The following IL1R1 variants were observed in gnomAD, a reference collection of about 807,000 sequenced individuals.
IL1R1 encodes interleukin 1 receptor type 1, also known as interleukin-1 receptor type 1.
IL1R1 carries 22 observed loss-of-function variants against 50.2 expected under a neutral mutation model. That is an observed-to-expected ratio of 0.44 (90% CI 0.31 to 0.63). The LOEUF is 0.63. Ranked by LOEUF, IL1R1 falls within the 20% of genes least tolerant of loss-of-function variation. IL1R1 has a pLI of 0.07. For synonymous variants in IL1R1, 251 were observed against 236.7 expected (o/e 1.06, Z -0.55); for missense variants, 509 against 676.2 (o/e 0.75, Z 2.74).
intron 3 of IL1R1, 119 bp downstream of exon 3, chr2:102,157,904 C>A: frequency 1.4e-6 from 1 of 697,996 alleles, no homozygotes; most frequent in Non-Finnish European, 2.5e-6. Context: ...TCTCTGGGCA[C>A]AGAGCCTCCT....
Position 102,157,793 on chromosome 2 carries a change from A to G in IL1R1, c.61+8A>G. On this transcript the variant is annotated splice_region_variant and intron_variant, in intron 3 of 11. Transcript: ENST00000410023. ...TTTCTTCTCTGGAGGCTGGTAAGTT[A>G]AGTATTTCTTTGTGTTCTTGTCTGC... 1.3e-6 allele frequency: 2 copies of G among 1,574,254 alleles called. No individual in the cohort carries two copies. Among genetic ancestry groups the G allele is most frequent in the Non-Finnish European group, 1.7e-6 (2 of 1,144,760 alleles).
chr2:102,108,107 GT>G (rs1337472395), intron 1 of IL1R1, among the ~76,000 whole-genome samples: 3 of 152,050 alleles, frequency 2.0e-5, no homozygotes, highest in African/African-American at 4.8e-5. Context: ...TATTATTGTT[GT>G]TACTCTAAAG....
chr2:102,126,671 C>A (rs569406269), intron 1 of IL1R1, among the ~76,000 whole-genome samples: 1 of 151,666 alleles, frequency 6.6e-6, no homozygotes, highest in African/African-American at 2.4e-5. Flanking sequence ...GTAGCCCCAA[C>A]TTCTGCCTGG....
In IL1R1 at chr2:102,096,107, G is replaced by C. The variant is rs189571830; in HGVS notation, c.-84+25574G>C. Among the ~76,000 whole-genome samples the C allele has an allele frequency of 1.6e-4, 24 of 152,278 alleles. No individual in the cohort carries two copies. In the East Asian group the frequency reaches 4.4e-3, roughly 28 times the overall value. ...CTGTCAATATATGTAGCACAACTTAGTTTTCACACTGTGTCCTATTCAGCG... is the reference window on the plus strand; with the variant it reads ...CTGTCAATATATGTAGCACAACTTACTTTTCACACTGTGTCCTATTCAGCG... On this transcript the variant is annotated intron_variant, in intron 1 of 11. Transcript: ENST00000409929.
intron 1 of IL1R1, among the ~76,000 whole-genome samples, chr2:102,122,768 T>G (rs1681471343): frequency 6.6e-6 from 1 of 152,220 alleles, no homozygotes; most frequent in Non-Finnish European, 1.5e-5. Context: ...CTTTGAAAAC[T>G]GGCTTTCCTT....
rs1177468303 is a variant in IL1R1 at position 102,172,509 on chromosome 2, G to A, written c.840-178G>A. The stretch of plus-strand genomic sequence containing the variant: ...AGCCTGTTACTGACAGTGGTCTTGG[G>A]GTTATAAAATCTCAGATTAGTGTTG... On this transcript the variant is annotated intron_variant, in intron 8 of 11. Transcript: ENST00000410023. The A allele has an allele frequency of 1.2e-5, 14 of 1,165,036 alleles. No individual in the cohort carries two copies. In the East Asian group the frequency reaches 3.2e-4, roughly 27 times the overall value. The allele number at this position is 1,165,036 out of a possible 1,614,324, so 72.2% of individuals were successfully genotyped here.
rs139212784 is a variant in IL1R1, at chr2:102,072,474, T to C, written c.-84+1941T>C. Reference sequence around the variant, plus strand: ...TTCTTATACCTCACTTACTGGAATATTAGAAATCGTTTAGTCTCTACCAAA... The same window carrying C: ...TTCTTATACCTCACTTACTGGAATACTAGAAATCGTTTAGTCTCTACCAAA... On this transcript the variant is annotated intron_variant, in intron 1 of 11. Transcript: ENST00000409929. Among the ~76,000 whole-genome samples the C allele has an allele frequency of 7.1e-3, 1,079 of 152,322 alleles. 9 individuals are homozygous for C. The highest frequency in any genetic ancestry group is 0.023 in the African/African-American group (964 of 41,556).
In IL1R1 at chr2:102,078,562, TCACACACACACACA is replaced by T. The variant is rs35407722; in HGVS notation, c.-84+8054_-84+8067del. The stretch of plus-strand genomic sequence containing the variant: ...ACACTGAATTAGCAGTCAAAAAACT[TCACACACACACACA>T]CACACACACACACACACACACACAA... On this transcript the variant is annotated intron_variant, in intron 1 of 11. Transcript: ENST00000409929. 2.2e-3 allele frequency among the ~76,000 whole-genome samples: 224 copies of T among 104,120 alleles called. 1 individual carries two copies. The highest frequency in any genetic ancestry group is 7.2e-3 in the African/African-American group (213 of 29,632). 68.3% of individuals were successfully genotyped at this position (104,120 alleles called of 152,430 possible). A position where few individuals can be genotyped will look rare whatever the true frequency, so the allele number is the denominator to read the frequency against.
intron 1 of IL1R1, among the ~76,000 whole-genome samples, chr2:102,072,728 T>C (rs1291401281): frequency 6.6e-6 from 1 of 152,220 alleles, no homozygotes; most frequent in Non-Finnish European, 1.5e-5. Flanking sequence ...ATGTTGCAAA[T>C]ATTTTTCCCT....
intron 1 of IL1R1, among the ~76,000 whole-genome samples, chr2:102,108,148 T>A (rs1242084618): frequency 1.3e-5 from 2 of 152,096 alleles, no homozygotes; most frequent in Admixed American, 1.3e-4. Flanking sequence ...TTCTAAAATA[T>A]ATAGTTTCTG....
chr2:102,079,744 C>T (rs937280458), intron 1 of IL1R1, among the ~76,000 whole-genome samples: 17 of 151,954 alleles, frequency 1.1e-4, no homozygotes, highest in African/African-American at 3.6e-4. Flanking sequence ...AGAAACTGCT[C>T]ATAAAATACA....
At chr2:102,165,964 A>G in intron 5 of IL1R1, 149 bp from the exon 6 acceptor site, 2 of 614,896 alleles carry the variant, frequency 3.3e-6, no homozygotes, top group East Asian at 2.8e-5. Flanking sequence ...AAAAGCCAGT[A>G]TTAAAACTTA....
intron 1 of IL1R1, among the ~76,000 whole-genome samples, chr2:102,106,853 T>C (rs1039446867): frequency 2.0e-5 from 3 of 152,216 alleles, no homozygotes; most frequent in Non-Finnish European, 2.9e-5. Context: ...TTAAATCCTG[T>C]TGGCAGGTAG....
chr2:102,169,451 T>C (rs1266474892), intron 7 of IL1R1, among the ~76,000 whole-genome samples: 1 of 152,226 alleles, frequency 6.6e-6, no homozygotes, highest in Non-Finnish European at 1.5e-5. Context: ...AATAGCCACA[T>C]GTGACAAGTG....
intron 1 of IL1R1, among the ~76,000 whole-genome samples, chr2:102,122,443 G>A (rs934400920): frequency 1.3e-5 from 2 of 152,104 alleles, no homozygotes; most frequent in African/African-American, 4.8e-5. Flanking sequence ...ACAGAATAAT[G>A]AGTGAGTGGA....
chr2:102,073,206 C>G (rs1678812404), intron 1 of IL1R1, among the ~76,000 whole-genome samples: 1 of 152,176 alleles, frequency 6.6e-6, no homozygotes, highest in Non-Finnish European at 1.5e-5. Context: ...ACAGCTATTT[C>G]ATGAGGGTTC....
intron 1 of IL1R1, among the ~76,000 whole-genome samples, chr2:102,106,600 T>G (rs900615744): frequency 3.3e-5 from 5 of 152,068 alleles, no homozygotes; most frequent in African/African-American, 1.2e-4. Context: ...AGAATAAAAT[T>G]TTAAAAAATA....
chr2:102,090,568 G>T (rs1679622355), intron 1 of IL1R1, among the ~76,000 whole-genome samples: 2 of 152,050 alleles, frequency 1.3e-5, no homozygotes, highest in African/African-American at 4.8e-5. Context: ...CCTGTGGTCT[G>T]CTGTGTTTAA....
intron 1 of IL1R1, among the ~76,000 whole-genome samples, chr2:102,088,277 G>A (rs1321280205): frequency 6.6e-6 from 1 of 152,066 alleles, no homozygotes; most frequent in Admixed American, 6.5e-5. Context: ...TAAATAATAA[G>A]AATTGAAAGT....
Sources: allele counts gnomAD v4.1 joint callset (sites outside exome capture counted in the v4.1 genomes callset), GRCh38; gene constraint gnomAD v4.1.1; transcripts MANE v1.5; gene names NCBI Gene and HGNC (gene_info 2026-07-23, HGNC 2026-07-21).